RPS6KA6: variants seen among roughly 807,000 people sequenced by gnomAD.
The protein encoded by RPS6KA6 is ribosomal protein S6 kinase alpha-6.
In RPS6KA6, 27 loss-of-function variants were observed where a neutral mutation model predicts 65.4. That is an observed-to-expected ratio of 0.41 (90% CI 0.30 to 0.57). The LOEUF is 0.57. RPS6KA6 is among the 20% of genes least tolerant of loss of function. The probability of loss-of-function intolerance (pLI) is 0.24; values close to 1 mark genes in which losing one functional copy is unlikely to be tolerated. For missense variants in RPS6KA6, 486 were observed against 555.6 expected, an observed-to-expected ratio of 0.87 and a Z score of 1.26; for synonymous variants, 190 against 184.2, an observed-to-expected ratio of 1.03 and a Z score of -0.26.
chrX:84,075,006 G>A (rs754683214), intron 20 of RPS6KA6, among the ~76,000 whole-genome samples: 4 of 111,905 alleles, frequency 3.6e-5, no homozygotes, highest in East Asian at 2.8e-4. Context: ...AGGCCAAGGC[G>A]GGTGGATCAT....
chrX:84,071,675 T>A (rs917465474), intron 20 of RPS6KA6, among the ~76,000 whole-genome samples: 9 of 111,217 alleles, frequency 8.1e-5, no homozygotes, highest in African/African-American at 2.9e-4. Context: ...TATGAAAAGA[T>A]AAACACAATT....
At chrX:84,089,920 A>T (rs1427743823) in intron 20 of RPS6KA6, among the ~76,000 whole-genome samples, 1 of 112,259 alleles carries the variant, frequency 8.9e-6, no homozygotes, top group Non-Finnish European at 1.9e-5. Context: ...CAATGTACTC[A>T]GGTTTCTTAT....
intron 20 of RPS6KA6, among the ~76,000 whole-genome samples, chrX:84,078,532 A>G (rs1222257315): frequency 8.9e-6 from 1 of 112,159 alleles, no homozygotes; most frequent in Non-Finnish European, 1.9e-5. Context: ...ACAAAACAAC[A>G]CAAATGTCCA....
At chrX:84,080,540 T>G (rs1184689057) in intron 20 of RPS6KA6, among the ~76,000 whole-genome samples, 2 of 94,700 alleles carry the variant, frequency 2.1e-5, no homozygotes, top group African/African-American at 7.7e-5. Flanking sequence ...TGGGAGACTT[T>G]AACACCCCAC....
rs1312356255 is a variant in RPS6KA6 at position 84,062,832 on chromosome X, C to T, written c.*1445G>A. On this transcript the variant is annotated 3_prime_UTR_variant, in exon 22 of 22. Transcript: ENST00000262752. ...AAAATAAAATACATAGCAAATAGTA[C>T]ACCTAACACGCACAAGTAGTTCACT... 1 of 111,009 alleles carries T rather than the reference C, an allele frequency of 9.0e-6. No homozygotes were observed. Among genetic ancestry groups the T allele is most frequent in the Admixed American group, 9.7e-5 (1 of 10,345 alleles). The allele number at this position is 111,009 out of a possible 1,213,427, so 9.1% of individuals were successfully genotyped here.
chrX:84,151,577 A>G lies in RPS6KA6; in HGVS notation c.259-3454T>C, dbSNP rs141274722. Among the ~76,000 whole-genome samples, 343 of 110,870 alleles carry G rather than the reference A, an allele frequency of 3.1e-3. 9 individuals carry two copies. Among genetic ancestry groups the G allele is most frequent in the Admixed American group, 0.029 (295 of 10,306 alleles). On this transcript the variant is annotated intron_variant, in intron 3 of 21. Transcript: ENST00000262752. ...ATTGTCCTTTCAAGGAAAAGTGGTG[A>G]TCCATAAAAACAGTGGTTGGTTCAG... is the stretch of plus-strand genomic sequence containing the variant.
chrX:84,157,636 T>A (rs1286446843), intron 2 of RPS6KA6, among the ~76,000 whole-genome samples: 1 of 110,859 alleles, frequency 9.0e-6, no homozygotes, highest in East Asian at 2.8e-4. Flanking sequence ...GGGGTTTTGT[T>A]AGATGGGTCT....
chrX:84,109,799 C>T (rs181383454), intron 12 of RPS6KA6, among the ~76,000 whole-genome samples: 2 of 110,651 alleles, frequency 1.8e-5, no homozygotes, highest in Admixed American at 9.6e-5. Flanking sequence ...AGTCCACTGG[C>T]CTGGTCCTGG....
At chrX:84,181,462 A>G (rs1420575616) in intron 1 of RPS6KA6, among the ~76,000 whole-genome samples, 1 of 112,582 alleles carries the variant, frequency 8.9e-6, no homozygotes, top group Non-Finnish European at 1.9e-5. Flanking sequence ...TCTTAAAACA[A>G]CAACAAAATA....
intron 4 of RPS6KA6, 94 bp from the exon 5 acceptor site, chrX:84,147,152 C>G (rs1156666166): frequency 1.9e-6 from 1 of 519,722 alleles, no homozygotes; most frequent in African/African-American, 2.4e-5. Context: ...TATAAAAATA[C>G]AAAACGTAAC....
intron 12 of RPS6KA6, among the ~76,000 whole-genome samples, chrX:84,110,234 C>T (rs953323711): frequency 8.9e-6 from 1 of 111,845 alleles, no homozygotes; most frequent in Admixed American, 9.4e-5. Flanking sequence ...GAACATATTG[C>T]TACCTGTCTA....
intron 6 of RPS6KA6, among the ~76,000 whole-genome samples, chrX:84,140,850 C>T (rs2035088689): frequency 9.3e-6 from 1 of 107,311 alleles, no homozygotes; most frequent in Non-Finnish European, 1.9e-5. Context: ...AAAGAAAGAA[C>T]CCACTCAGCT....
chrX:84,069,083 C>CA (rs2033471581), intron 20 of RPS6KA6, among the ~76,000 whole-genome samples: 1 of 111,599 alleles, frequency 9.0e-6, no homozygotes, highest in African/African-American at 3.3e-5. Flanking sequence ...CATATGGAAC[C>CA]AAAAAAGAGC....
In RPS6KA6 at chrX:84,156,144, T is replaced by C; in HGVS notation, c.189A>G (p.Glu63=). 8.4e-7 allele frequency: 1 copy of C among 1,193,783 alleles called. No individual in the cohort carries two copies. Among genetic ancestry groups the C allele is most frequent in the Non-Finnish European group, 1.1e-6 (1 of 879,775 alleles). Residue 63 remains glutamate (E), a synonymous_variant, in exon 3 of 22, where the codon GAA becomes GAG. Transcript: ENST00000262752. ...GTGCAGGATCTGCTTTCTCATAGCCTTCCTTAACATGATGAGTAATAGGGA... is the reference window on the plus strand; with the variant it reads ...GTGCAGGATCTGCTTTCTCATAGCCCTCCTTAACATGATGAGTAATAGGGA... The part of the protein sequence containing the change: ...KEIPITHHVK[E]GYEKADPAQF...
intron 21 of RPS6KA6, 144 bp downstream of exon 21, chrX:84,064,827 T>C: frequency 2.2e-6 from 1 of 449,353 alleles, no homozygotes; most frequent in East Asian, 3.9e-5. Flanking sequence ...CTAAGAAAAG[T>C]ACATGGTTGT....
At chrX:84,126,633 T>C (rs2034793512) in intron 8 of RPS6KA6, among the ~76,000 whole-genome samples, 1 of 111,604 alleles carries the variant, frequency 9.0e-6, no homozygotes, top group African/African-American at 3.3e-5. Context: ...AAATCTGAAA[T>C]AATATCAAGC....
chrX:84,184,853 A>C (rs2035907944), intron 1 of RPS6KA6, among the ~76,000 whole-genome samples: 1 of 105,428 alleles, frequency 9.5e-6, no homozygotes, highest in African/African-American at 3.5e-5. Context: ...AAAAAAAAAA[A>C]CTAACTTGCT....
intron 6 of RPS6KA6, among the ~76,000 whole-genome samples, chrX:84,144,429 A>G (rs189257655): frequency 4.0e-4 from 44 of 111,351 alleles, no homozygotes; most frequent in African/African-American, 1.4e-3. Context: ...AAAGATGCTC[A>G]ATGTCATTAG....
At chrX:84,079,641 G>C (rs1473586689) in intron 20 of RPS6KA6, among the ~76,000 whole-genome samples, 5 of 111,102 alleles carry the variant, frequency 4.5e-5, no homozygotes, top group Admixed American at 9.6e-5. Context: ...TTGGTGGGGG[G>C]AGGGGCGTCC....
Sources: allele counts gnomAD v4.1 joint callset (sites outside exome capture counted in the v4.1 genomes callset), GRCh38; gene constraint gnomAD v4.1.1; transcripts MANE v1.5; gene names NCBI Gene and HGNC (gene_info 2026-07-23, HGNC 2026-07-21).